ITFG1: variants seen among roughly 807,000 people sequenced by gnomAD.
ITFG1 encodes the protein integrin alpha FG-GAP repeat containing 1.
ITFG1 carries 34 observed loss-of-function variants against 81.8 expected under a neutral mutation model. That is an observed-to-expected ratio of 0.42 (90% CI 0.32 to 0.55). The LOEUF (loss-of-function observed/expected upper bound fraction) is 0.55. ITFG1 is among the 20% of genes least tolerant of loss of function. The pLI, the probability that ITFG1 is intolerant of heterozygous loss-of-function variation, is 0.17. For synonymous variants in ITFG1, 285 were observed against 270.6 expected (o/e 1.05, Z -0.52); for missense variants, 672 against 755.4 (o/e 0.89, Z 1.29).
intron 8 of ITFG1, among the ~76,000 whole-genome samples, chr16:47,322,340 A>T (rs1442438184): frequency 6.6e-6 from 1 of 152,212 alleles, no homozygotes; most frequent in African/African-American, 2.4e-5. Context: ...AACAATTATT[A>T]ATTTTTAATT....
At chr16:47,272,691 C>A (rs1216188360) in intron 10 of ITFG1, among the ~76,000 whole-genome samples, 1 of 151,806 alleles carries the variant, frequency 6.6e-6, no homozygotes, top group Non-Finnish European at 1.5e-5. Flanking sequence ...CCATTGCGCC[C>A]AGCCTGAATA....
rs74688370 is a variant in ITFG1, at chr16:47,315,315, T to TA, written c.803-1493dup. Among the ~76,000 whole-genome samples the TA allele has an allele frequency of 6.8e-4, 96 of 140,208 alleles. 3 individuals carry two copies. In the Middle Eastern group the frequency reaches 0.011, roughly 16 times the overall value. The allele number at this position is 140,208 out of a possible 152,430, so 92.0% of individuals were successfully genotyped here. A position where few individuals can be genotyped will look rare whatever the true frequency, so the allele number is the denominator to read the frequency against. On this transcript the variant is annotated intron_variant, in intron 8 of 17. Transcript: ENST00000320640. ...AAGGAGATAAACATATATCACAGCT[T>TA]AAAAAAAAAAAAAGTTTGAGAGCTA...
chr16:47,460,777 TG>T, intron 1 of ITFG1, 60 bp downstream of exon 1: 9 of 1,569,320 alleles, frequency 5.7e-6, no homozygotes, highest in Middle Eastern at 1.7e-4. Context: ...GCAATGGGTT[TG>T]GGGAACACCG....
At chr16:47,234,482 T>C (rs1965851516) in intron 13 of ITFG1, among the ~76,000 whole-genome samples, 1 of 151,998 alleles carries the variant, frequency 6.6e-6, no homozygotes, top group African/African-American at 2.4e-5. Flanking sequence ...GGCAAAAGAA[T>C]AAATATTTGA....
At chr16:47,185,502 T>C (rs1411928209) in intron 14 of ITFG1, among the ~76,000 whole-genome samples, 1 of 152,220 alleles carries the variant, frequency 6.6e-6, no homozygotes, top group Non-Finnish European at 1.5e-5. Context: ...AACCTGCTCC[T>C]GAATGACTAC....
intron 8 of ITFG1, among the ~76,000 whole-genome samples, chr16:47,347,151 A>G (rs553041110): frequency 4.9e-4 from 75 of 152,184 alleles, no homozygotes; most frequent in Non-Finnish European, 1.0e-3. Flanking sequence ...TGCATTTCCA[A>G]CTCAGGTACC....
chr16:47,204,812 C>T (rs1163581005), intron 14 of ITFG1, among the ~76,000 whole-genome samples: 1 of 152,170 alleles, frequency 6.6e-6, no homozygotes, highest in African/African-American at 2.4e-5. Flanking sequence ...TGGAAGAAGA[C>T]TGGGAATATC....
At chr16:47,308,537 G>A (rs1158394504) in intron 10 of ITFG1, among the ~76,000 whole-genome samples, 1 of 152,186 alleles carries the variant, frequency 6.6e-6, no homozygotes, top group African/African-American at 2.4e-5. Flanking sequence ...TGGATAAGCT[G>A]TCTGATTTAT....
At chr16:47,160,911 GTTTAATA>G (rs1234046342) in intron 16 of ITFG1, among the ~76,000 whole-genome samples, 2 of 152,110 alleles carry the variant, frequency 1.3e-5, no homozygotes, top group Non-Finnish European at 2.9e-5. Context: ...CGATCGAGAT[GTTTAATA>G]AAGAATGATG....
intron 9 of ITFG1, chr16:47,311,763 T>C: frequency 6.1e-6 from 1 of 164,536 alleles, no homozygotes; most frequent in Non-Finnish European, 1.3e-5. Context: ...CACTCGAACG[T>C]TTAAAAAAAA....
chr16:47,185,475 C>G (rs1249144465), intron 14 of ITFG1, among the ~76,000 whole-genome samples: 1 of 152,224 alleles, frequency 6.6e-6, no homozygotes, highest in Admixed American at 6.5e-5. Flanking sequence ...AACCGCTCAA[C>G]TACATGGAAA....
intron 14 of ITFG1, among the ~76,000 whole-genome samples, chr16:47,163,142 AATTCACATACCATACACATCACC>A (rs1964835539): frequency 1.3e-5 from 2 of 152,194 alleles, no homozygotes; most frequent in Admixed American, 1.3e-4. Flanking sequence ...ACTGAGATAT[AATTCACATACCATACACATCACC>A]CGTTTAAAGT....
chr16:47,447,385 A>C (rs986690948), intron 5 of ITFG1, among the ~76,000 whole-genome samples: 1 of 152,238 alleles, frequency 6.6e-6, no homozygotes, highest in African/African-American at 2.4e-5. Context: ...GATTTAACTA[A>C]AAGGTGAGTA....
At chr16:47,184,619 C>G (rs890623283) in intron 14 of ITFG1, among the ~76,000 whole-genome samples, 3 of 151,792 alleles carry the variant, frequency 2.0e-5, no homozygotes, top group Non-Finnish European at 4.4e-5. Context: ...AAAAGAGCTC[C>G]TGAAGGAAGC....
intron 2 of ITFG1, among the ~76,000 whole-genome samples, chr16:47,457,142 T>A (rs1969464176): frequency 6.6e-6 from 1 of 151,910 alleles, no homozygotes; most frequent in South Asian, 2.1e-4. Flanking sequence ...AAATCCCATC[T>A]CTACTAAAAA....
intron 6 of ITFG1, among the ~76,000 whole-genome samples, chr16:47,418,600 G>A (rs888581648): frequency 6.6e-6 from 1 of 151,966 alleles, no homozygotes; most frequent in African/African-American, 2.4e-5. Context: ...TTTTCATACT[G>A]ATGTACAGTT....
intron 12 of ITFG1, among the ~76,000 whole-genome samples, chr16:47,246,652 T>A (rs150156578): frequency 6.6e-6 from 1 of 152,330 alleles, no homozygotes; most frequent in African/African-American, 2.4e-5. Context: ...GCGTGGGTTC[T>A]GGGCTCTGCT....
intron 10 of ITFG1, among the ~76,000 whole-genome samples, chr16:47,277,439 T>A (rs1966409427): frequency 6.6e-6 from 1 of 152,172 alleles, no homozygotes; most frequent in Admixed American, 6.5e-5. Flanking sequence ...CCACGAATAC[T>A]ATATTTTCCA....
chr16:47,213,347 T>G (rs1044654318), intron 14 of ITFG1, among the ~76,000 whole-genome samples: 2 of 152,210 alleles, frequency 1.3e-5, no homozygotes, highest in Non-Finnish European at 2.9e-5. Flanking sequence ...TCTATTTTAG[T>G]ATATGCTCCA....
Sources: allele counts gnomAD v4.1 joint callset (sites outside exome capture counted in the v4.1 genomes callset), GRCh38; gene constraint gnomAD v4.1.1; transcripts MANE v1.5; gene names NCBI Gene and HGNC (gene_info 2026-07-23, HGNC 2026-07-21).